SUSD6: variants seen among roughly 807,000 people sequenced by gnomAD.
The protein encoded by SUSD6 is sushi domain containing 6, also known as sushi domain-containing protein 6.
Under a neutral mutation model 28.4 loss-of-function variants are expected in SUSD6, and 16 were observed. The ratio of observed to expected loss-of-function variants is 0.56; its 90% CI spans 0.38 to 0.86. The LOEUF (loss-of-function observed/expected upper bound fraction) is 0.86, where lower values mean the gene tolerates loss of function less well. Ranked by LOEUF, SUSD6 falls within the 40% of genes least tolerant of loss-of-function variation. SUSD6 has a pLI of 0.00. For missense variants in SUSD6, 341 were observed against 384.2 expected (o/e 0.89, Z 0.94); for synonymous variants, 147 against 159.6 (o/e 0.92, Z 0.59).
chr14:69,649,766 A>G (rs1165744235), intron 1 of SUSD6, among the ~76,000 whole-genome samples: 1 of 152,202 alleles, frequency 6.6e-6, no homozygotes, highest in African/African-American at 2.4e-5. Context: ...AGGGTTTGGA[A>G]GAGCCTTCCA....
intron 2 of SUSD6, among the ~76,000 whole-genome samples, chr14:69,702,164 C>A (rs2139644691): frequency 6.6e-6 from 1 of 152,340 alleles, no homozygotes; most frequent in African/African-American, 2.4e-5. Flanking sequence ...TATTCTCATA[C>A]AGATGTCCTT....
At chr14:69,688,277 C>T (rs1231767460) in intron 2 of SUSD6, among the ~76,000 whole-genome samples, 4 of 152,196 alleles carry the variant, frequency 2.6e-5, no homozygotes, top group Non-Finnish European at 5.9e-5. Context: ...GTATAATACT[C>T]TTATCTTTCC....
At chr14:69,652,528 T>C (rs778401888) in intron 1 of SUSD6, among the ~76,000 whole-genome samples, 10 of 152,288 alleles carry the variant, frequency 6.6e-5, no homozygotes, top group Non-Finnish European at 1.3e-4. Flanking sequence ...ACGCAGCACC[T>C]GGGAGCCACG....
At chr14:69,700,362 A>G (rs1158859244) in intron 2 of SUSD6, among the ~76,000 whole-genome samples, 1 of 152,162 alleles carries the variant, frequency 6.6e-6, no homozygotes, top group East Asian at 1.9e-4. Flanking sequence ...CCTCTAGTCC[A>G]TCTTATATCA....
chr14:69,686,413 G>A (rs1886074262), intron 2 of SUSD6, among the ~76,000 whole-genome samples: 1 of 152,228 alleles, frequency 6.6e-6, no homozygotes, highest in Non-Finnish European at 1.5e-5. Context: ...AACAGGTTCT[G>A]GTGTAAGAGT....
intron 1 of SUSD6, among the ~76,000 whole-genome samples, chr14:69,618,467 A>G (rs1884990461): frequency 1.3e-5 from 2 of 152,260 alleles, no homozygotes; most frequent in South Asian, 2.1e-4. Flanking sequence ...CCCTGATCGT[A>G]GATCCCTACT....
chr14:69,712,051 C>G lies in SUSD6; in HGVS notation c.*1072C>G, dbSNP rs1353877182. 6.6e-6 allele frequency: 1 copy of G among 152,356 alleles called. No homozygotes were observed. The highest frequency in any genetic ancestry group is 2.4e-5 in the African/African-American group (1 of 41,462). The allele number at this position is 152,356 out of a possible 1,614,324, so 9.4% of individuals were successfully genotyped here. On this transcript the variant is annotated 3_prime_UTR_variant, in exon 6 of 6. Transcript: ENST00000342745. ...GGAGGCCGAGAGGCACAGACCAAGT[C>G]CCCGGGTGGCTGCAGGCAGCTCCAG...
At chr14:69,688,852 C>T (rs1413377142) in intron 2 of SUSD6, among the ~76,000 whole-genome samples, 1 of 152,184 alleles carries the variant, frequency 6.6e-6, no homozygotes, top group East Asian at 1.9e-4. Flanking sequence ...CATTATAGGC[C>T]TAGAAGTGTC....
Position 69,708,872 on chromosome 14 carries a change from G to A in SUSD6, c.654G>A (p.Pro218=), listed in dbSNP as rs201634222. 3.8e-4 allele frequency: 620 copies of A among 1,614,090 alleles called. 4 individuals carry two copies. The South Asian group carries it at 6.3e-3, about 16-fold the overall frequency. Residue 218 remains proline (P), a synonymous_variant, in exon 5 of 6, where the codon CCG becomes CCA. Transcript: ENST00000342745. ...GRSVPREQQL[P]DQGACSSAGG... Reference sequence around the variant, plus strand: ...GCGTGCCAAGGGAGCAACAGCTGCCGGACCAAGGGGCCTGCTCCTCTGCAG... The same window carrying A: ...GCGTGCCAAGGGAGCAACAGCTGCCAGACCAAGGGGCCTGCTCCTCTGCAG...
chr14:69,654,426 A>G (rs991537059), intron 1 of SUSD6, among the ~76,000 whole-genome samples: 3 of 152,228 alleles, frequency 2.0e-5, no homozygotes, highest in Non-Finnish European at 4.4e-5. Context: ...TAGCAGGGTA[A>G]GAAGGGGTCA....
At chr14:69,671,922 C>T (rs185163091) in intron 2 of SUSD6, among the ~76,000 whole-genome samples, 1 of 152,270 alleles carries the variant, frequency 6.6e-6, no homozygotes, top group Admixed American at 6.5e-5. Context: ...ACCAGTAACG[C>T]AGACCCTGGC....
chr14:69,711,292 G>C lies in SUSD6; in HGVS notation c.*313G>C. The C allele has an allele frequency of 2.4e-6, 1 of 414,684 alleles. No homozygotes were observed. The highest frequency in any genetic ancestry group is 3.0e-5 in the South Asian group (1 of 33,522). 25.7% of individuals were successfully genotyped at this position (414,684 alleles called of 1,614,324 possible). A position where few individuals can be genotyped will look rare whatever the true frequency, so the allele number is the denominator to read the frequency against. ...TAAGCCTCTGGGTCCCCTCCAGCCA[G>C]CTCTTTGGCGGCAGCCCCCACCAGC... On this transcript the variant is annotated 3_prime_UTR_variant, in exon 6 of 6. Transcript: ENST00000342745.
chr14:69,624,147 A>AT (rs1172516917), intron 1 of SUSD6, among the ~76,000 whole-genome samples: 2 of 152,014 alleles, frequency 1.3e-5, no homozygotes, highest in South Asian at 2.1e-4. Context: ...ACCATATTGT[A>AT]TTTTTTCTAT....
At chr14:69,692,266 A>G (rs1414234069) in intron 2 of SUSD6, among the ~76,000 whole-genome samples, 2 of 152,216 alleles carry the variant, frequency 1.3e-5, no homozygotes, top group Non-Finnish European at 2.9e-5. Flanking sequence ...TCACCAGGCC[A>G]TATTCTTCTC....
At chr14:69,705,333 C>CA (rs1239875320) in intron 4 of SUSD6, among the ~76,000 whole-genome samples, 1,568 of 136,620 alleles carry the variant, frequency 0.011, 24 homozygotes, top group African/African-American at 0.038. Flanking sequence ...AAAAAAAAAA[C>CA]AAAAAAAAAC....
chr14:69,653,484 G>A (rs1885533006), intron 1 of SUSD6, among the ~76,000 whole-genome samples: 1 of 152,202 alleles, frequency 6.6e-6, no homozygotes, highest in African/African-American at 2.4e-5. Flanking sequence ...CTCCCTGGCT[G>A]GTGGCGGAGG....
intron 1 of SUSD6, among the ~76,000 whole-genome samples, chr14:69,652,473 TAAATAA>T (rs973050595): frequency 6.6e-6 from 1 of 151,834 alleles, no homozygotes; most frequent in Non-Finnish European, 1.5e-5. Flanking sequence ...AATAAATAAA[TAAATAA>T]AAATAAAAAT....
chr14:69,694,189 C>T (rs1485519831), intron 2 of SUSD6, among the ~76,000 whole-genome samples: 1 of 152,188 alleles, frequency 6.6e-6, no homozygotes, highest in Non-Finnish European at 1.5e-5. Flanking sequence ...GTGAGAAAAC[C>T]TGCAGAGACT....
At chr14:69,703,718 G>T (rs765095618) in intron 3 of SUSD6, 126 bp downstream of exon 3, 1 of 805,972 alleles carries the variant, frequency 1.2e-6, no homozygotes, top group South Asian at 1.6e-5. Flanking sequence ...TTGATGCTCT[G>T]CAGCCTCCCT....
Sources: allele counts gnomAD v4.1 joint callset (sites outside exome capture counted in the v4.1 genomes callset), GRCh38; gene constraint gnomAD v4.1.1; transcripts MANE v1.5; gene names NCBI Gene and HGNC (gene_info 2026-07-23, HGNC 2026-07-21).